Variants in SPTBN1 observed in about 807,000 individuals in gnomAD.
SPTBN1 encodes the protein spectrin beta chain, non-erythrocytic 1.
Under a neutral mutation model 266.4 loss-of-function variants are expected in SPTBN1, and 32 were observed. The observed-to-expected ratio is 0.12, with a 90% confidence interval of 0.09 to 0.16. The LOEUF is 0.16. Among genes scored for constraint, SPTBN1 ranks in the 10% least tolerant of loss-of-function variants. SPTBN1 has a pLI of 1.00. For missense variants in SPTBN1, 2,296 were observed against 3,067.1 expected (o/e 0.75, Z 5.94); for synonymous variants, 1,336 against 1,162.2 (o/e 1.15, Z -3.04).
At chr2:54,507,789 AAT>A (rs1410052626) in intron 1 of SPTBN1, among the ~76,000 whole-genome samples, 1 of 142,422 alleles carries the variant, frequency 7.0e-6, no homozygotes, top group Non-Finnish European at 1.5e-5. Flanking sequence ...TTCATTTAAA[AAT>A]ATAGAGTCCC....
intron 2 of SPTBN1, among the ~76,000 whole-genome samples, chr2:54,598,092 T>C (rs190177405): frequency 1.8e-3 from 270 of 152,304 alleles, no homozygotes; most frequent in African/African-American, 6.1e-3. Context: ...TAGAACATTC[T>C]GCAGAGGCAA....
At chr2:54,656,024 T>C (rs747001925) in intron 29 of SPTBN1, 26 bp downstream of exon 29, 1 of 1,576,364 alleles carries the variant, frequency 6.3e-7, no homozygotes, top group East Asian at 2.3e-5. Flanking sequence ...ATCTTTCTGC[T>C]CTTTTGGGTA....
At chr2:54,637,214 A>G (rs1679210578) in intron 17 of SPTBN1, among the ~76,000 whole-genome samples, 1 of 152,222 alleles carries the variant, frequency 6.6e-6, no homozygotes, top group Admixed American at 6.5e-5. Context: ...TTACAGGTCT[A>G]AAAATTTTCA....
chr2:54,473,200 T>A (rs1457687390), intron 1 of SPTBN1, among the ~76,000 whole-genome samples: 3 of 152,248 alleles, frequency 2.0e-5, no homozygotes, highest in Non-Finnish European at 4.4e-5. Context: ...AAGTGCCTTA[T>A]ACAGAGATTT....
intron 11 of SPTBN1, 71 bp downstream of exon 11, chr2:54,625,033 A>G (rs757740531): frequency 1.3e-6 from 2 of 1,502,240 alleles, no homozygotes; most frequent in Non-Finnish European, 1.8e-6. Context: ...CCCCAGGGGC[A>G]TAGGGCCAGA....
chr2:54,578,367 GTGTT>G (rs761295126), intron 2 of SPTBN1, among the ~76,000 whole-genome samples: 12 of 152,158 alleles, frequency 7.9e-5, no homozygotes, highest in South Asian at 2.1e-4. Flanking sequence ...GACTGGTTGA[GTGTT>G]TGTTGGTGTT....
intron 2 of SPTBN1, among the ~76,000 whole-genome samples, chr2:54,564,636 G>T (rs985022914): frequency 6.6e-6 from 1 of 152,128 alleles, no homozygotes; most frequent in African/African-American, 2.4e-5. Flanking sequence ...TTGACACCCT[G>T]CCCTCTTGGT....
Position 54,667,308 on chromosome 2 carries a change from A to C in SPTBN1, c.6834-296A>C, listed in dbSNP as rs1018290792. Among the ~76,000 whole-genome samples, 4 of 152,302 alleles carry C rather than the reference A, an allele frequency of 2.6e-5. No homozygotes were observed. In the East Asian group the frequency reaches 5.8e-4, roughly 22 times the overall value. On this transcript the variant is annotated intron_variant, in intron 34 of 35. Transcript: ENST00000356805. ...ACCAGTAAGTGATCAGGCATCCACA[A>C]GTGATTTTTGCCACAATAAACCCAA...
intron 1 of SPTBN1, among the ~76,000 whole-genome samples, chr2:54,465,637 C>A (rs1301866802): frequency 4.5e-5 from 4 of 89,722 alleles, no homozygotes; most frequent in Admixed American, 2.8e-4. Context: ...TCATGTTTAT[C>A]TCATATATAT....
At chr2:54,576,159 T>C (rs1211800379) in intron 2 of SPTBN1, among the ~76,000 whole-genome samples, 1 of 148,452 alleles carries the variant, frequency 6.7e-6, no homozygotes, top group Non-Finnish European at 1.5e-5. Context: ...GGTTCAAGCG[T>C]TTCTCCTGCC....
chr2:54,660,911 T>C, intron 32 of SPTBN1: 1 of 985,470 alleles, frequency 1.0e-6, no homozygotes, highest in Non-Finnish European at 1.2e-6. Flanking sequence ...CAGACTTCCA[T>C]GCCTCTCCAT....
chr2:54,657,896 C>G lies in SPTBN1; in HGVS notation c.6093C>G (p.Ala2031=). The G allele has an allele frequency of 1.2e-6, 2 of 1,614,228 alleles. No homozygotes were observed. Among genetic ancestry groups the G allele is most frequent in the Non-Finnish European group, 1.7e-6 (2 of 1,180,046 alleles). The change falls in exon 30 of 36, where the codon GCC becomes GCG. Residue 2031 remains alanine (A), a synonymous_variant. Transcript: ENST00000356805. ...QFSRDASVAE[A]WLLGQEPYLS... ...CAAGAGACGCCAGTGTGGCCGAGGC[C>G]TGGCTGCTTGGACAGGAGCCGTACC...
At chr2:54,514,826 C>G (rs1342531444) in intron 1 of SPTBN1, among the ~76,000 whole-genome samples, 4 of 152,206 alleles carry the variant, frequency 2.6e-5, no homozygotes, top group Admixed American at 1.3e-4. Context: ...CCAAGCAGTC[C>G]TTGCTCTTTC....
At chr2:54,609,642 T>A (rs1424157786) in intron 3 of SPTBN1, among the ~76,000 whole-genome samples, 1 of 152,046 alleles carries the variant, frequency 6.6e-6, no homozygotes, top group Non-Finnish European at 1.5e-5. Context: ...GAATTAGGGA[T>A]GTTGTGTTTA....
chr2:54,616,874 G>C (rs1677647169), intron 5 of SPTBN1, among the ~76,000 whole-genome samples: 1 of 152,112 alleles, frequency 6.6e-6, no homozygotes, highest in Admixed American at 6.5e-5. Context: ...AGGTTAATTA[G>C]ATTTACTGTC....
chr2:54,640,713 A>G (rs765172105), intron 18 of SPTBN1, among the ~76,000 whole-genome samples: 12 of 152,152 alleles, frequency 7.9e-5, no homozygotes, highest in African/African-American at 1.4e-4. Flanking sequence ...CACCACACCC[A>G]GCTAGTTTTT....
intron 2 of SPTBN1, chr2:54,526,881 C>G (rs1271858674): frequency 4.6e-6 from 1 of 216,138 alleles, no homozygotes; most frequent in Non-Finnish European, 9.2e-6. Flanking sequence ...GCATACTATT[C>G]CTTATACTCA....
intron 1 of SPTBN1, among the ~76,000 whole-genome samples, chr2:54,468,787 A>G (rs1041609582): frequency 6.6e-6 from 1 of 152,256 alleles, no homozygotes; most frequent in Non-Finnish European, 1.5e-5. Flanking sequence ...GGGAATTCCC[A>G]TCACAGTTGC....
chr2:54,592,070 G>C (rs1184016132), intron 2 of SPTBN1, among the ~76,000 whole-genome samples: 1 of 152,190 alleles, frequency 6.6e-6, no homozygotes, highest in Non-Finnish European at 1.5e-5. Context: ...TGGAGGTTGA[G>C]GTGGGAAGAT....
Sources: gnomAD v4.1 joint callset for allele counts (sites outside exome capture counted in the v4.1 genomes callset) on GRCh38, gnomAD v4.1.1 for gene constraint, MANE v1.5 for transcripts, NCBI Gene and HGNC (gene_info 2026-07-23, HGNC 2026-07-21) for gene names.